Variants in SYT16 observed in about 807,000 individuals in gnomAD.
The protein encoded by SYT16 is synaptotagmin-16.
A neutral mutation model predicts 61.4 loss-of-function variants in SYT16; 42 were observed. That is an observed-to-expected ratio of 0.68 (90% CI 0.53 to 0.89). SYT16 has a LOEUF of 0.89. Ranked by LOEUF, SYT16 falls within the 40% of genes least tolerant of loss-of-function variation. The pLI is 0.00. For missense variants in SYT16, 804 were observed against 807.3 expected, an observed-to-expected ratio of 1.00 and a Z score of 0.05; for synonymous variants, 314 against 302.3, an observed-to-expected ratio of 1.04 and a Z score of -0.40.
chr14:61,981,198 G>A (rs1157848077), intron 2 of SYT16, among the ~76,000 whole-genome samples: 1 of 152,126 alleles, frequency 6.6e-6, no homozygotes, highest in African/African-American at 2.4e-5. Flanking sequence ...CCTACATTAT[G>A]GAGGGCAATC....
intron 4 of SYT16, among the ~76,000 whole-genome samples, chr14:62,072,645 T>C (rs2056341705): frequency 6.6e-6 from 1 of 152,190 alleles, no homozygotes; most frequent in African/African-American, 2.4e-5. Context: ...ATTATAGGCT[T>C]TAATCACATC....
chr14:61,945,199 C>T (rs1293681331), intron 1 of SYT16, among the ~76,000 whole-genome samples: 1 of 152,132 alleles, frequency 6.6e-6, no homozygotes, highest in Non-Finnish European at 1.5e-5. Context: ...TATCTCATGC[C>T]AGTTAGAATG....
intron 1 of SYT16, among the ~76,000 whole-genome samples, chr14:61,866,966 T>TA (rs2047175455): frequency 6.6e-6 from 1 of 152,004 alleles, no homozygotes; most frequent in Non-Finnish European, 1.5e-5. Context: ...CATTTTTTTT[T>TA]TCATATGCAC....
intron 1 of SYT16, among the ~76,000 whole-genome samples, chr14:61,845,347 T>C (rs1268435272): frequency 1.3e-5 from 2 of 152,118 alleles, no homozygotes; most frequent in Non-Finnish European, 2.9e-5. Flanking sequence ...GTGCCCAGCC[T>C]GGGAGACTTT....
chr14:61,862,381 G>A (rs952223261), intron 1 of SYT16, among the ~76,000 whole-genome samples: 1 of 152,152 alleles, frequency 6.6e-6, no homozygotes, highest in African/African-American at 2.4e-5. Context: ...GTCATCCTTT[G>A]TGTCTGGCTT....
intron 1 of SYT16, among the ~76,000 whole-genome samples, chr14:61,866,660 A>G (rs556092028): frequency 4.3e-4 from 65 of 152,218 alleles, no homozygotes; most frequent in Non-Finnish European, 8.5e-4. Context: ...TGTGCATACA[A>G]GTTCTTTGTC....
chr14:62,061,844 A>C (rs1279365777), intron 3 of SYT16, among the ~76,000 whole-genome samples: 9 of 152,162 alleles, frequency 5.9e-5, no homozygotes, highest in Non-Finnish European at 7.4e-5. Flanking sequence ...ATGAAAAAAA[A>C]CAGCAAGTAT....
rs1019392386 is a variant in SYT16 at position 61,934,733 on chromosome 14, T to G, written c.-324-35399T>G. 8.5e-5 allele frequency among the ~76,000 whole-genome samples: 13 copies of G among 152,198 alleles called. No homozygotes were observed. In the South Asian group the frequency reaches 1.0e-3, roughly 12 times the overall value. ...GGAACCTGGGACAAATCCTGTTTCC[T>G]TACCTGCAAAGTGATAGAATTGTTC... On this transcript the variant is annotated intron_variant, in intron 1 of 7. Transcript: ENST00000683842.
At chr14:62,058,340 CTTTTTTTTT>C (rs796187620) in intron 3 of SYT16, among the ~76,000 whole-genome samples, 1 of 109,028 alleles carries the variant, frequency 9.2e-6, no homozygotes, top group Non-Finnish European at 1.9e-5. Context: ...TGTTTAAATT[CTTTTTTTTT>C]TTTTTTTTTT....
In SYT16 at chr14:62,105,624, C is replaced by T. The variant is rs955964034; in HGVS notation, c.*4917C>T. 7 of 152,234 alleles carry T rather than the reference C, an allele frequency of 4.6e-5. No homozygotes were observed. Among genetic ancestry groups the T allele is most frequent in the African/African-American group, 9.6e-5 (4 of 41,542 alleles). The allele number at this position is 152,234 out of a possible 1,614,324, so 9.4% of individuals were successfully genotyped here. On this transcript the variant is annotated 3_prime_UTR_variant, in exon 8 of 8. Coordinates refer to ENST00000683842, the MANE Select transcript of SYT16 (RefSeq NM_001367656.1). ...TAAGAGTGGCTTGTTGATATAATAGCGCATCCACTTGTTCTCAAGTGATTC... is the reference window on the plus strand; with the variant it reads ...TAAGAGTGGCTTGTTGATATAATAGTGCATCCACTTGTTCTCAAGTGATTC...
At chr14:61,843,937 A>G (rs1449431019) in intron 1 of SYT16, among the ~76,000 whole-genome samples, 1 of 152,184 alleles carries the variant, frequency 6.6e-6, no homozygotes, top group Non-Finnish European at 1.5e-5. Context: ...ATATATGTGA[A>G]GAATGTCATT....
At chr14:62,092,513 G>A (rs1414248375) in intron 7 of SYT16, among the ~76,000 whole-genome samples, 5 of 151,950 alleles carry the variant, frequency 3.3e-5, no homozygotes, top group Admixed American at 2.6e-4. Flanking sequence ...TGAGCAAAAT[G>A]TGGTATATAC....
intron 5 of SYT16, 23 bp from the exon 6 acceptor site, chr14:62,080,811 A>C (rs772792400): frequency 1.3e-6 from 2 of 1,564,414 alleles, no homozygotes; most frequent in Non-Finnish European, 1.7e-6. Flanking sequence ...TCCATTTCTA[A>C]TTGTTTCCTC....
chr14:62,055,455 CAG>C (rs753952603), intron 3 of SYT16, among the ~76,000 whole-genome samples: 8 of 152,162 alleles, frequency 5.3e-5, no homozygotes, highest in Non-Finnish European at 1.0e-4. Flanking sequence ...AAGGAGGGCG[CAG>C]TGAATCTGAC....
intron 7 of SYT16, among the ~76,000 whole-genome samples, chr14:62,087,698 G>A (rs2056932521): frequency 6.6e-6 from 1 of 152,224 alleles, no homozygotes; most frequent in Non-Finnish European, 1.5e-5. Context: ...ACCTGACCCG[G>A]TTAGATAATC....
At chr14:62,005,859 A>G (rs930571323) in intron 3 of SYT16, among the ~76,000 whole-genome samples, 3 of 152,112 alleles carry the variant, frequency 2.0e-5, no homozygotes, top group African/African-American at 7.2e-5. Flanking sequence ...TTTGTTCCAG[A>G]GGATGCAAAA....
chr14:62,019,234 A>G (rs1315642283), intron 3 of SYT16, among the ~76,000 whole-genome samples: 1 of 152,256 alleles, frequency 6.6e-6, no homozygotes, highest in Non-Finnish European at 1.5e-5. Flanking sequence ...ATTTTAGCAG[A>G]TCATCTAGCA....
chr14:62,017,232 C>G (rs930867055), intron 3 of SYT16, among the ~76,000 whole-genome samples: 2 of 152,174 alleles, frequency 1.3e-5, no homozygotes, highest in East Asian at 3.9e-4. Flanking sequence ...AATGCTTCCT[C>G]CTACTTACCT....
intron 1 of SYT16, among the ~76,000 whole-genome samples, chr14:61,909,266 G>A (rs2048837440): frequency 6.6e-6 from 1 of 152,158 alleles, no homozygotes; most frequent in South Asian, 2.1e-4. Context: ...ATCATGTATA[G>A]TGCATATACT....
Sources: gnomAD v4.1 joint callset for allele counts (sites outside exome capture counted in the v4.1 genomes callset) on GRCh38, gnomAD v4.1.1 for gene constraint, MANE v1.5 for transcripts, NCBI Gene and HGNC (gene_info 2026-07-23, HGNC 2026-07-21) for gene names.